Variants in SNX29 observed in about 807,000 individuals in gnomAD.
SNX29 encodes the protein sorting nexin-29.
A neutral mutation model predicts 102.1 loss-of-function variants in SNX29; 78 were observed. The observed-to-expected ratio is 0.76, with a 90% CI of 0.64 to 0.92. The LOEUF (loss-of-function observed/expected upper bound fraction) is 0.92. SNX29 is among the 40% of genes least tolerant of loss of function. The pLI is 0.00. For synonymous variants in SNX29, 580 were observed against 414.5 expected, an observed-to-expected ratio of 1.40 and a Z score of -4.85; for missense variants, 1,280 against 1,061.7, an observed-to-expected ratio of 1.21 and a Z score of -2.86.
chr16:12,102,824 C>A (rs544198000), intron 11 of SNX29, among the ~76,000 whole-genome samples: 177 of 152,308 alleles, frequency 1.2e-3, no homozygotes, highest in Admixed American at 2.0e-3. Context: ...ATTGTCTCAG[C>A]CCAAGATCTC....
intron 15 of SNX29, among the ~76,000 whole-genome samples, chr16:12,330,003 G>A (rs2081248205): frequency 6.6e-6 from 1 of 152,186 alleles, no homozygotes; most frequent in South Asian, 2.1e-4. Context: ...ATCCTGATGG[G>A]CACACTCCTC....
intron 13 of SNX29, among the ~76,000 whole-genome samples, chr16:12,151,571 C>T (rs2055303736): frequency 2.0e-5 from 3 of 152,162 alleles, no homozygotes; most frequent in Non-Finnish European, 4.4e-5. Context: ...TTGTTCTGCC[C>T]GGGACTCGTA....
intron 18 of SNX29, among the ~76,000 whole-genome samples, chr16:12,435,279 T>C (rs1467668627): frequency 2.0e-5 from 3 of 152,222 alleles, no homozygotes; most frequent in African/African-American, 7.2e-5. Context: ...GTATTGAGAA[T>C]AAAGGCATTT....
chr16:12,065,257 C>T (rs2050979218), intron 9 of SNX29, among the ~76,000 whole-genome samples: 1 of 152,140 alleles, frequency 6.6e-6, no homozygotes, highest in South Asian at 2.1e-4. Context: ...ATGCGTGGTT[C>T]CTCTGGGAGT....
At chr16:12,441,075 T>C (rs1332254369) in intron 18 of SNX29, among the ~76,000 whole-genome samples, 1 of 147,910 alleles carries the variant, frequency 6.8e-6, no homozygotes, top group Non-Finnish European at 1.5e-5. Flanking sequence ...GTAGCATGCA[T>C]CGCTACTTCA....
intron 18 of SNX29, among the ~76,000 whole-genome samples, chr16:12,474,209 G>A (rs771127770): frequency 6.6e-6 from 1 of 152,188 alleles, no homozygotes; most frequent in Non-Finnish European, 1.5e-5. Context: ...TGAAAAGGGA[G>A]TGTTCGTACC....
At chr16:12,434,529 T>G (rs79616755) in intron 18 of SNX29, among the ~76,000 whole-genome samples, 5,473 of 152,026 alleles carry the variant, frequency 0.036, 144 homozygotes, top group Non-Finnish European at 0.053. Flanking sequence ...TAGTCGGGGG[T>G]AATATGTATC....
At position 12,569,548 on chromosome 16, in the gene SNX29, T is replaced by G. The variant is rs115522604; in HGVS notation, c.*919T>G. Reference sequence around the variant, plus strand: ...TGAAGTTGGACCCAGTGTGGACACTTAACAGATCATGTGTCTCTCCACTAA... The same window carrying G: ...TGAAGTTGGACCCAGTGTGGACACTGAACAGATCATGTGTCTCTCCACTAA... On this transcript the variant is annotated 3_prime_UTR_variant, in exon 21 of 21. Coordinates refer to ENST00000566228, the MANE Select transcript of SNX29 (RefSeq NM_032167.5). 4.7e-4 allele frequency: 109 copies of G among 231,358 alleles called. 1 individual carries two copies. Among genetic ancestry groups the G allele is most frequent in the African/African-American group, 2.1e-3 (97 of 45,354 alleles). 14.3% of individuals were successfully genotyped at this position (231,358 alleles called of 1,614,324 possible).
intron 19 of SNX29, among the ~76,000 whole-genome samples, chr16:12,523,193 C>T (rs532570968): frequency 1.3e-5 from 2 of 152,212 alleles, no homozygotes; most frequent in African/African-American, 2.4e-5. Flanking sequence ...GACTGAGCCC[C>T]TGCCTTGGGC....
chr16:12,299,297 C>T (rs2080084321), intron 15 of SNX29, among the ~76,000 whole-genome samples: 1 of 151,130 alleles, frequency 6.6e-6, no homozygotes, highest in African/African-American at 2.4e-5. Context: ...GAGACTCCGT[C>T]TCAAAAAAAA....
chr16:12,255,709 TTTC>T (rs1309606835), intron 14 of SNX29, among the ~76,000 whole-genome samples: 6 of 152,196 alleles, frequency 3.9e-5, no homozygotes, highest in Admixed American at 6.5e-5. Context: ...ATGACAGGAT[TTTC>T]TTCTTTTTTA....
rs189548176 is a variant in SNX29 at position 12,067,222 on chromosome 16, G to A, written c.1244-1835G>A. Among the ~76,000 whole-genome samples the A allele has an allele frequency of 2.8e-4, 42 of 152,176 alleles. No individual in the cohort carries two copies. In the East Asian group the frequency reaches 8.1e-3, roughly 29 times the overall value. ...GGGGAAGTGGACTTGAACTTCTTGA[G>A]AATTTGGAGTCAGTAAATAACTTGA... On this transcript the variant is annotated intron_variant, in intron 9 of 20. Transcript: ENST00000566228.
intron 14 of SNX29, among the ~76,000 whole-genome samples, chr16:12,272,540 C>T (rs1322047590): frequency 6.6e-6 from 1 of 152,230 alleles, no homozygotes; most frequent in East Asian, 1.9e-4. Flanking sequence ...TGCTCTCTTA[C>T]CTGACTTTTC....
At chr16:12,336,604 A>G (rs1245926332) in intron 15 of SNX29, among the ~76,000 whole-genome samples, 1 of 152,228 alleles carries the variant, frequency 6.6e-6, no homozygotes, top group Non-Finnish European at 1.5e-5. Context: ...TTGGCAAGTG[A>G]CAAGTCACCT....
intron 13 of SNX29, among the ~76,000 whole-genome samples, chr16:12,134,181 T>G (rs2054574705): frequency 2.0e-5 from 3 of 152,248 alleles, no homozygotes; most frequent in Non-Finnish European, 2.9e-5. Flanking sequence ...GAAAAGTGGC[T>G]TTGAAGGAAG....
intron 18 of SNX29, among the ~76,000 whole-genome samples, chr16:12,438,138 A>AG (rs1289808929): frequency 6.6e-6 from 1 of 151,250 alleles, no homozygotes; most frequent in Non-Finnish European, 1.5e-5. Flanking sequence ...TGGGGAGGTG[A>AG]GGGGGCAGGA....
intron 15 of SNX29, among the ~76,000 whole-genome samples, chr16:12,353,791 C>T (rs1396192566): frequency 6.6e-6 from 1 of 152,190 alleles, no homozygotes; most frequent in African/African-American, 2.4e-5. Context: ...GGGGCTGCAT[C>T]TTGAAGGAGT....
chr16:12,147,135 G>A (rs1262109748), intron 13 of SNX29, among the ~76,000 whole-genome samples: 3 of 152,220 alleles, frequency 2.0e-5, no homozygotes, highest in Non-Finnish European at 2.9e-5. Flanking sequence ...GTTTTGAAGC[G>A]CGTGCCCGCG....
chr16:12,031,753 C>T (rs1364190786), intron 4 of SNX29, among the ~76,000 whole-genome samples: 6 of 151,822 alleles, frequency 4.0e-5, no homozygotes, highest in Admixed American at 1.3e-4. Flanking sequence ...TGCAGTGAGC[C>T]GAGATCGCGC....
Sources: allele counts gnomAD v4.1 joint callset (sites outside exome capture counted in the v4.1 genomes callset), GRCh38; gene constraint gnomAD v4.1.1; transcripts MANE v1.5; gene names NCBI Gene and HGNC (gene_info 2026-07-23, HGNC 2026-07-21).